PEX14: variants seen among roughly 807,000 people sequenced by gnomAD.
The protein encoded by PEX14 is peroxisomal membrane protein PEX14.
In PEX14, 15 loss-of-function variants were observed where a neutral mutation model predicts 49.5. The observed-to-expected ratio is 0.30, with a 90% CI of 0.20 to 0.47. PEX14 has a LOEUF of 0.47. Among genes scored for constraint, PEX14 ranks in the 20% least tolerant of loss-of-function variants. PEX14 has a pLI of 1.00. For missense variants in PEX14, 398 were observed against 494.8 expected, an observed-to-expected ratio of 0.80 and a Z score of 1.86; for synonymous variants, 210 against 212.7, an observed-to-expected ratio of 0.99 and a Z score of 0.11.
chr1:10,573,522 G>A (rs949180055), intron 3 of PEX14, among the ~76,000 whole-genome samples: 1 of 152,178 alleles, frequency 6.6e-6, no homozygotes, highest in African/African-American at 2.4e-5. Context: ...CCTCATCAGG[G>A]TAATGTAGCT....
At chr1:10,499,401 G>T (rs1641627072) in intron 2 of PEX14, among the ~76,000 whole-genome samples, 2 of 149,602 alleles carry the variant, frequency 1.3e-5, no homozygotes, top group African/African-American at 4.9e-5. Flanking sequence ...TTTTCTTTCT[G>T]TCCTCTTTCC....
At chr1:10,577,613 A>G (rs995849690) in intron 3 of PEX14, among the ~76,000 whole-genome samples, 1 of 55,918 alleles carries the variant, frequency 1.8e-5, no homozygotes, top group East Asian at 7.0e-4. Flanking sequence ...TTTTTTTTGG[A>G]CAGAGTCTCG....
At chr1:10,538,353 G>C (rs533345003) in intron 3 of PEX14, among the ~76,000 whole-genome samples, 4 of 152,344 alleles carry the variant, frequency 2.6e-5, no homozygotes, top group East Asian at 3.9e-4. Flanking sequence ...ATTTGGGTTA[G>C]AGTTTTTAGA....
intron 3 of PEX14, among the ~76,000 whole-genome samples, chr1:10,572,559 C>T (rs553352744): frequency 5.3e-5 from 8 of 152,174 alleles, no homozygotes; most frequent in Admixed American, 3.9e-4. Context: ...TATTTTGAGA[C>T]GGAGTCTTGC....
At chr1:10,560,786 T>G (rs1264221513) in intron 3 of PEX14, among the ~76,000 whole-genome samples, 1 of 149,194 alleles carries the variant, frequency 6.7e-6, no homozygotes, top group Non-Finnish European at 1.5e-5. Context: ...GGTGCAATCT[T>G]GGCTCACTGC....
chr1:10,484,881 C>G (rs577186788), intron 1 of PEX14, among the ~76,000 whole-genome samples: 1 of 151,842 alleles, frequency 6.6e-6, no homozygotes, highest in Non-Finnish European at 1.5e-5. Context: ...TCAAAGCCAG[C>G]AGAAGAGAGA....
intron 2 of PEX14, among the ~76,000 whole-genome samples, chr1:10,498,097 TAG>T (rs1293485351): frequency 6.6e-6 from 1 of 152,122 alleles, no homozygotes; most frequent in Non-Finnish European, 1.5e-5. Flanking sequence ...CTGCACAAAA[TAG>T]AGAGACCCCA....
chr1:10,560,857 A>G (rs1011957539), intron 3 of PEX14, among the ~76,000 whole-genome samples: 3 of 151,454 alleles, frequency 2.0e-5, no homozygotes, highest in Non-Finnish European at 4.4e-5. Context: ...AGCTGGGATT[A>G]TAGGCGCACA....
At chr1:10,553,521 T>C (rs1016328495) in intron 3 of PEX14, among the ~76,000 whole-genome samples, 6 of 152,168 alleles carry the variant, frequency 3.9e-5, no homozygotes, top group African/African-American at 9.7e-5. Flanking sequence ...TGTTAAGTGG[T>C]TTCACTGAAA....
chr1:10,505,981 C>T (rs1161053198), intron 2 of PEX14, among the ~76,000 whole-genome samples: 1 of 151,978 alleles, frequency 6.6e-6, no homozygotes, highest in Non-Finnish European at 1.5e-5. Context: ...TTTTGAGAGT[C>T]GTTTAGAGTC....
At chr1:10,627,137 A>G in intron 7 of PEX14, 135 bp from the exon 8 acceptor site, 1 of 745,566 alleles carries the variant, frequency 1.3e-6, no homozygotes, top group Non-Finnish European at 2.5e-6. Flanking sequence ...GGGCAGTGGC[A>G]GAACCTTCCC....
chr1:10,535,547 C>CT (rs1339399916), intron 2 of PEX14, among the ~76,000 whole-genome samples: 1 of 152,216 alleles, frequency 6.6e-6, no homozygotes, highest in African/African-American at 2.4e-5. Flanking sequence ...GCCCTCAACA[C>CT]TTTGCCAGGC....
At chr1:10,617,713 C>G (rs950073442) in intron 4 of PEX14, among the ~76,000 whole-genome samples, 22 of 152,166 alleles carry the variant, frequency 1.4e-4, no homozygotes, top group Admixed American at 4.6e-4. Flanking sequence ...CCTGCCACCC[C>G]CATCCCTTTT....
chr1:10,510,614 G>C (rs1641865556), intron 2 of PEX14, among the ~76,000 whole-genome samples: 1 of 152,182 alleles, frequency 6.6e-6, no homozygotes, highest in Non-Finnish European at 1.5e-5. Flanking sequence ...TTTCCTGGCT[G>C]TTTGGCACCT....
chr1:10,624,299 C>T lies in PEX14; in HGVS notation c.488-41C>T, dbSNP rs776879135. 16 of 1,283,692 alleles carry T rather than the reference C, an allele frequency of 1.2e-5. No individual in the cohort carries two copies. In the Admixed American group the frequency reaches 2.7e-4, roughly 22 times the overall value. The allele number at this position is 1,283,692 out of a possible 1,614,324, so 79.5% of individuals were successfully genotyped here. A position where few individuals can be genotyped will look rare whatever the true frequency, so the allele number is the denominator to read the frequency against. ...GGACCGAGCGAGGGGAACGTCTGTG[C>T]CTGTGAATTTGCCAGCGCCGTGACT... is the stretch of plus-strand genomic sequence containing the variant. On this transcript the variant is annotated intron_variant, in intron 6 of 8. Coordinates refer to ENST00000356607, the MANE Select transcript of PEX14 (RefSeq NM_004565.3).
intron 3 of PEX14, among the ~76,000 whole-genome samples, chr1:10,595,040 A>G (rs1413598085): frequency 6.6e-6 from 1 of 152,140 alleles, no homozygotes; most frequent in Non-Finnish European, 1.5e-5. Flanking sequence ...TCCTTTTAAA[A>G]AAAAAAGCCC....
intron 3 of PEX14, among the ~76,000 whole-genome samples, chr1:10,572,779 G>A (rs1033885781): frequency 2.0e-5 from 3 of 152,074 alleles, no homozygotes; most frequent in African/African-American, 2.4e-5. Flanking sequence ...CTCGTGATCC[G>A]CTCTCCTCAG....
At chr1:10,601,033 G>A (rs1166937219) in intron 4 of PEX14, among the ~76,000 whole-genome samples, 4 of 151,580 alleles carry the variant, frequency 2.6e-5, no homozygotes, top group African/African-American at 9.7e-5. Flanking sequence ...AGGCCAAGGC[G>A]GGCGGATCAC....
intron 3 of PEX14, among the ~76,000 whole-genome samples, chr1:10,554,666 G>T (rs1462002867): frequency 6.6e-6 from 1 of 152,134 alleles, no homozygotes; most frequent in Non-Finnish European, 1.5e-5. Context: ...ACCTGGTTTG[G>T]CGGTAAATTA....
Sources: gnomAD v4.1 joint callset for allele counts (sites outside exome capture counted in the v4.1 genomes callset) on GRCh38, gnomAD v4.1.1 for gene constraint, MANE v1.5 for transcripts, NCBI Gene and HGNC (gene_info 2026-07-23, HGNC 2026-07-21) for gene names.